KRT73: variants seen among roughly 807,000 people sequenced by gnomAD.
KRT73 encodes the protein keratin 73, also known as keratin, type II cytoskeletal 73.
In KRT73, 44 loss-of-function variants were observed where a neutral mutation model predicts 47.2. The observed-to-expected ratio is 0.93, with a 90% CI of 0.73 to 1.20. KRT73 has a LOEUF of 1.20. Ranked by LOEUF, KRT73 falls within the 50% of genes most tolerant of loss-of-function variation. The pLI is 0.00. For missense variants in KRT73, 713 were observed against 704.5 expected (o/e 1.01, Z -0.14); for synonymous variants, 285 against 291.3 (o/e 0.98, Z 0.22).
upstream of KRT73, among the ~76,000 whole-genome samples, chr12:52,619,736 A>C (rs646739): frequency 0.79 from 120,500 of 152,168 alleles, 48,636 homozygotes; most frequent in African/African-American, 0.95. Flanking sequence ...GAGGTAGGGG[A>C]AGACATTTGA....
At position 52,609,120 on chromosome 12, in the gene KRT73, G is replaced by A. The variant is rs548189628; in HGVS notation, c.1366+127C>T. 7 of 804,682 alleles carry A rather than the reference G, an allele frequency of 8.7e-6. No homozygotes were observed. In the East Asian group the frequency reaches 1.7e-4, roughly 20 times the overall value. The allele number at this position is 804,682 out of a possible 1,614,324, so 49.8% of individuals were successfully genotyped here. A position where few individuals can be genotyped will look rare whatever the true frequency, so the allele number is the denominator to read the frequency against. On this transcript the variant is annotated intron_variant, in intron 8 of 8. Transcript: ENST00000305748. The stretch of plus-strand genomic sequence containing the variant: ...GGCCGCAGGTCTCAGCAAGGAAGGT[G>A]AGTATGTGACCAAGTGGTCAACAGG...
At chr12:52,610,529 G>GCCCCCCA in intron 7 of KRT73, 86 bp downstream of exon 7, 1 of 295,156 alleles carries the variant, frequency 3.4e-6, no homozygotes, top group Non-Finnish European at 6.8e-6. Context: ...CCAGCTCGCC[G>GCCCCCCA]CCCCCTCCCC....
At chr12:52,620,276 G>A (rs1940883916), upstream of KRT73, among the ~76,000 whole-genome samples, 1 of 151,642 alleles carries the variant, frequency 6.6e-6, no homozygotes, top group Non-Finnish European at 1.5e-5. Context: ...GGCTAATTTT[G>A]TATTTCTAGT....
chr12:52,613,911 T>G (rs1940758128), intron 4 of KRT73, 59 bp from the exon 5 acceptor site: 1 of 1,583,146 alleles, frequency 6.3e-7, no homozygotes, highest in Non-Finnish European at 8.6e-7. Context: ...GGTCCCAAGG[T>G]GATGGCCCTG....
chr12:52,608,516 C>T, intron 8 of KRT73, 64 bp from the exon 9 acceptor site: 1 of 1,413,966 alleles, frequency 7.1e-7, no homozygotes, highest in Non-Finnish European at 9.4e-7. Flanking sequence ...CTTAAGTCCC[C>T]CTCCAACCTC....
Position 52,616,201 on chromosome 12 carries a change from C to T in KRT73, c.627G>A (p.Arg209=), listed in dbSNP as rs997544025. ...AGTCCTCCACCACTTCGCGCACGCT[C>T]CTCAGCTCCGAGTCCAGCCTCACCC... ...GDRVRLDSEL[R]SVREVVEDYK... The change falls in exon 2 of 9, where the codon AGG becomes AGA. Residue 209 remains arginine (R), a synonymous_variant. Transcript: ENST00000305748. 6.2e-6 allele frequency: 10 copies of T among 1,614,026 alleles called. No homozygotes were observed. The highest frequency in any genetic ancestry group is 2.7e-5 in the African/African-American group (2 of 74,924).
intron 1 of KRT73, 116 bp downstream of exon 1, chr12:52,617,962 G>T: frequency 8.5e-7 from 1 of 1,176,332 alleles, no homozygotes; most frequent in Admixed American, 2.3e-5. Flanking sequence ...GTCTGATTTT[G>T]CTGGGAGAAA....
Position 52,615,313 on chromosome 12 carries a change from G to T in KRT73, c.689C>A (p.Thr230Lys). The change falls in exon 3 of 9, where the codon ACA becomes AAA. Residue 230 changes from threonine to lysine, a missense_variant. By Grantham distance (78) the Thr-to-Lys change is moderately conservative. Coordinates refer to ENST00000305748, the MANE Select transcript of KRT73 (RefSeq NM_175068.3). ...CACCACAAATTCATTCTCAGCAGTTGTGCGCTTGTTTATTTCTTCTTCATA... is the reference window on the plus strand; with the variant it reads ...CACCACAAATTCATTCTCAGCAGTTTTGCGCTTGTTTATTTCTTCTTCATA... Reference protein sequence around the residue: ...KRYEEEINKRTTAENEFVVLK... With the variant: ...KRYEEEINKRKTAENEFVVLK... 6.2e-7 allele frequency: 1 copy of T among 1,614,022 alleles called. No individual in the cohort carries two copies. Among genetic ancestry groups the T allele is most frequent in the Non-Finnish European group, 8.5e-7 (1 of 1,179,948 alleles).
At chr12:52,617,612 G>T (rs1193188533) in intron 1 of KRT73, among the ~76,000 whole-genome samples, 4 of 152,168 alleles carry the variant, frequency 2.6e-5, no homozygotes, top group Non-Finnish European at 5.9e-5. Context: ...GATGCCCCAG[G>T]CTGTCAAGGG....
Position 52,616,215 on chromosome 12 carries a change from C to A in KRT73, c.613G>T (p.Asp205Tyr). The A allele has an allele frequency of 6.2e-7, 1 of 1,614,164 alleles. No individual in the cohort carries two copies. Among genetic ancestry groups the A allele is most frequent in the Admixed American group, 1.7e-5 (1 of 60,026 alleles). ...TCGCGCACGCTCCTCAGCTCCGAGT[C>A]CAGCCTCACCCTGTCCCCAGACAGC... ...ETLSGDRVRLDSELRSVREVV... is the reference protein window; with the variant it reads ...ETLSGDRVRLYSELRSVREVV... Residue 205 changes from aspartate (D) to tyrosine (Y), a missense_variant, in exon 2 of 9, where the codon GAC becomes TAC. By Grantham distance (160) the Asp-to-Tyr change is radical. Coordinates refer to ENST00000305748, the MANE Select transcript of KRT73 (RefSeq NM_175068.3).
rs568950427 is a variant in KRT73 at position 52,617,688 on chromosome 12, G to A, written c.447+390C>T. ...TCTGCTACTTCTCAACTCAGAGACC[G>A]CTCTCATTGCTTCCTGGACACCTTC... On this transcript the variant is annotated intron_variant, in intron 1 of 8. Coordinates refer to ENST00000305748, the MANE Select transcript of KRT73 (RefSeq NM_175068.3). 7.2e-4 allele frequency among the ~76,000 whole-genome samples: 109 copies of A among 152,256 alleles called. 2 individuals are homozygous for A. The South Asian group carries it at 0.013, about 19-fold the overall frequency.
intron 8 of KRT73, 71 bp downstream of exon 8, chr12:52,609,176 C>T (rs1031568417): frequency 6.0e-6 from 8 of 1,344,506 alleles, no homozygotes; most frequent in Admixed American, 1.7e-5. Flanking sequence ...GGGGGCTGGG[C>T]GGTGGACACC....
At chr12:52,617,145 C>A (rs1353864090) in intron 1 of KRT73, among the ~76,000 whole-genome samples, 2 of 152,158 alleles carry the variant, frequency 1.3e-5, no homozygotes, top group Non-Finnish European at 2.9e-5. Flanking sequence ...TACCATGCTG[C>A]ACGTGCTGTC....
the KRT73 span, among the ~76,000 whole-genome samples, chr12:52,623,795 T>C: frequency 6.6e-6 from 1 of 152,014 alleles, no homozygotes; most frequent in African/African-American, 2.4e-5. Context: ...TATAATAAAA[T>C]ACTCAGCAGC....
chr12:52,615,995 C>T (rs79568518), intron 2 of KRT73, among the ~76,000 whole-genome samples, 171 bp downstream of exon 2: 283 of 152,278 alleles, frequency 1.9e-3, no homozygotes, highest in African/African-American at 6.5e-3. Flanking sequence ...CCTGACGCTG[C>T]CCAAGAGGCT....
intron 7 of KRT73, 84 bp downstream of exon 7, chr12:52,610,531 C>CCCCCCCCCCCCCCCCCCCA: frequency 1.1e-5 from 2 of 179,022 alleles, no homozygotes; most frequent in Non-Finnish European, 2.3e-5. Context: ...AGCTCGCCGC[C>CCCCCCCCCCCCCCCCCCCA]CCCTCCCCCC....
chr12:52,613,629 G>A (rs1260526245), intron 5 of KRT73, 59 bp downstream of exon 5: 2 of 1,597,886 alleles, frequency 1.3e-6, no homozygotes, highest in African/African-American at 2.7e-5. Flanking sequence ...GGGCAGACAA[G>A]ACAGAGTCTG....
chr12:52,622,258 T>G (rs1565632812), upstream of KRT73, among the ~76,000 whole-genome samples: 1 of 150,394 alleles, frequency 6.6e-6, no homozygotes. Context: ...GCTAAATAGA[T>G]GACAAATTAG....
the KRT73 span, among the ~76,000 whole-genome samples, chr12:52,626,108 G>C: frequency 6.6e-6 from 1 of 152,186 alleles, no homozygotes; most frequent in Admixed American, 6.5e-5. Context: ...TATCCTGGTT[G>C]TGATATGCGA....
Sources: allele counts gnomAD v4.1 joint callset (sites outside exome capture counted in the v4.1 genomes callset), GRCh38; gene constraint gnomAD v4.1.1; transcripts MANE v1.5; gene names NCBI Gene and HGNC (gene_info 2026-07-23, HGNC 2026-07-21).